Variants in RUBCN observed in about 807,000 individuals in gnomAD.
The protein encoded by RUBCN is run domain Beclin-1-interacting and cysteine-rich domain-containing protein.
Under a neutral mutation model 113.2 loss-of-function variants are expected in RUBCN, and 74 were observed. That is an observed-to-expected ratio of 0.65 (90% CI 0.54 to 0.79). RUBCN has a LOEUF of 0.79. Ranked by LOEUF, RUBCN falls within the 30% of genes least tolerant of loss-of-function variation. RUBCN has a pLI of 0.00. For synonymous variants in RUBCN, 480 were observed against 490.0 expected (o/e 0.98, Z 0.27); for missense variants, 1,109 against 1,251.7 (o/e 0.89, Z 1.72).
Position 197,676,928 on chromosome 3 carries a change from G to A in RUBCN, c.2603C>T (p.Ala868Val). ...GGTAGCCCCTGCCCTGGTGAGCTCA[G>A]CAAGCCGGGGCCCCAGCTCCCCCTT... ...TRKGELGPRLAELTRAGATHV... is the reference protein window; with the variant it reads ...TRKGELGPRLVELTRAGATHV... The change falls in exon 18 of 20, where the codon GCT (alanine) becomes GTT (valine). Residue 868 changes from alanine to valine, a missense_variant. By Grantham distance (64) the Ala-to-Val change is moderately conservative (BLOSUM62 0). Around this residue, in one of 3 missense-constraint regions of RUBCN, gnomAD observed 306 missense variants for 348.9 expected, o/e 0.88. Transcript: ENST00000296343. 6.2e-7 allele frequency: 1 copy of A among 1,614,232 alleles called. No individual in the cohort carries two copies. The highest frequency in any genetic ancestry group is 8.5e-7 in the Non-Finnish European group (1 of 1,180,052).
chr3:197,743,536 G>A (rs1295621298), intron 1 of RUBCN, among the ~76,000 whole-genome samples: 1 of 152,138 alleles, frequency 6.6e-6, no homozygotes, highest in African/African-American at 2.4e-5. Flanking sequence ...CACAGAAGAG[G>A]GACAGAAAGC....
rs1468385968 is a variant in RUBCN at position 197,704,583 on chromosome 3, G to A, written c.422C>T (p.Pro141Leu). Residue 141 changes from proline to leucine, a missense_variant, in exon 4 of 20, where the codon CCC becomes CTC. Around this residue, in one of 3 missense-constraint regions of RUBCN, gnomAD observed 736 missense variants for 779.6 expected, o/e 0.94. Coordinates refer to ENST00000296343, the MANE Select transcript of RUBCN (RefSeq NM_014687.4). ...QYHCLSAQLR[P>L]LLGDRQYIRK... is the part of the protein sequence containing the mutation. ...GATATACTGTCTATCCCCGAGCAGG[G>A]GCCGGAGCTGGGCTGAGAGGCAGTG... 6.2e-7 allele frequency: 1 copy of A among 1,614,168 alleles called. No homozygotes were observed. Among genetic ancestry groups the A allele is most frequent in the East Asian group, 2.2e-5 (1 of 44,872 alleles).
chr3:197,698,681 TAGG>T (rs1231358471), intron 7 of RUBCN, among the ~76,000 whole-genome samples: 1 of 151,608 alleles, frequency 6.6e-6, no homozygotes, highest in Non-Finnish European at 1.5e-5. Context: ...AAGTAATCCA[TAGG>T]AAGTATTCAG....
At chr3:197,682,304 G>C (rs1352663470) in intron 14 of RUBCN, among the ~76,000 whole-genome samples, 166 bp downstream of exon 14, 1 of 152,202 alleles carries the variant, frequency 6.6e-6, no homozygotes, top group Non-Finnish European at 1.5e-5. Context: ...GGAATTAAGA[G>C]TAAGAAACGA....
At position 197,701,766 on chromosome 3, in the gene RUBCN, C is replaced by G; in HGVS notation, c.669G>C (p.Gln223His). 2 of 1,614,108 alleles carry G rather than the reference C, an allele frequency of 1.2e-6. No homozygotes were observed. The highest frequency in any genetic ancestry group is 1.7e-6 in the Non-Finnish European group (2 of 1,179,968). ...TAGAGAAGGACCCAAAGTAGGAATG[C>G]TGAGCATAGCTGTTTGGAGGGGTGT... is the stretch of plus-strand genomic sequence containing the variant. Reference protein sequence around the residue: ...STYTPPNSYAQHSYFGSFSSL... With the variant: ...STYTPPNSYAHHSYFGSFSSL... The change falls in exon 6 of 20, where the codon CAG becomes CAC. Residue 223 changes from glutamine (Q) to histidine (H), a missense_variant. Physicochemically the swap from Gln to His is conservative, Grantham distance 24 (BLOSUM62 0). Transcript: ENST00000296343.
chr3:197,719,975 T>C (rs1033341185), intron 1 of RUBCN, among the ~76,000 whole-genome samples: 1 of 152,208 alleles, frequency 6.6e-6, no homozygotes, highest in African/African-American at 2.4e-5. Context: ...AACTACACCA[T>C]ACACTGCTGT....
intron 2 of RUBCN, among the ~76,000 whole-genome samples, chr3:197,709,396 T>C (rs1560446331): frequency 6.6e-6 from 1 of 152,134 alleles, no homozygotes; most frequent in Non-Finnish European, 1.5e-5. Flanking sequence ...TTTTTTTTTC[T>C]TTGAGACGGA....
intron 11 of RUBCN, chr3:197,690,960 C>A (rs1722354177): frequency 3.8e-6 from 2 of 520,376 alleles, no homozygotes; most frequent in African/African-American, 2.0e-5. Context: ...GTTCTCCAGC[C>A]CCTACAGTCC....
intron 7 of RUBCN, chr3:197,700,341 CTA>C (rs1723501200): frequency 1.9e-6 from 1 of 519,024 alleles, no homozygotes; most frequent in Non-Finnish European, 3.4e-6. Context: ...AAAACTCGCA[CTA>C]TGAGTCACGC....
intron 18 of RUBCN, chr3:197,676,533 G>A (rs1720449256): frequency 2.1e-6 from 2 of 943,884 alleles, no homozygotes; most frequent in Non-Finnish European, 2.7e-6. Flanking sequence ...GGCTGGTCTT[G>A]AACTCCTGAC....
intron 1 of RUBCN, among the ~76,000 whole-genome samples, chr3:197,743,820 C>T (rs1252657639): frequency 1.3e-5 from 2 of 152,020 alleles, no homozygotes; most frequent in Admixed American, 1.3e-4. Flanking sequence ...CCCGTCTCTA[C>T]TAAAAATACA....
chr3:197,670,462 T>C lies in RUBCN; in HGVS notation c.*4556A>G, dbSNP rs982955984. On this transcript the variant is annotated 3_prime_UTR_variant, in exon 20 of 20. Transcript: ENST00000296343. ...TTCAACAGTCTTTCCAATTTTGGAA[T>C]ATGATCATCTAAAATCTAAGTTAAA... is the stretch of plus-strand genomic sequence containing the variant. 1.3e-5 allele frequency among the ~76,000 whole-genome samples: 2 copies of C among 152,202 alleles called. No homozygotes were observed. The highest frequency in any genetic ancestry group is 2.9e-5 in the Non-Finnish European group (2 of 68,032).
chr3:197,744,199 TA>T (rs944297684), intron 1 of RUBCN, among the ~76,000 whole-genome samples: 5 of 151,934 alleles, frequency 3.3e-5, no homozygotes, highest in African/African-American at 1.2e-4. Flanking sequence ...AAAAGGAAAT[TA>T]CATACCAGTG....
intron 1 of RUBCN, among the ~76,000 whole-genome samples, chr3:197,727,429 T>C (rs772112789): frequency 6.6e-6 from 1 of 152,220 alleles, no homozygotes; most frequent in South Asian, 2.1e-4. Flanking sequence ...TGCATAAATC[T>C]AATAAATCCA....
At chr3:197,740,313 C>CA (rs546952564), upstream of RUBCN, among the ~76,000 whole-genome samples, 195 of 148,164 alleles carry the variant, frequency 1.3e-3, no homozygotes, top group African/African-American at 4.7e-3. Flanking sequence ...ATACAAAATA[C>CA]AAAAAATTAG....
Position 197,734,038 on chromosome 3 carries a change from C to T in RUBCN, c.65+2617G>A, listed in dbSNP as rs1288224624. Among the ~76,000 whole-genome samples the T allele has an allele frequency of 3.3e-5, 5 of 152,018 alleles. No individual in the cohort carries two copies. The East Asian group carries it at 9.6e-4, about 29-fold the overall frequency. On this transcript the variant is annotated intron_variant, in intron 1 of 19. Transcript: ENST00000296343. Reference sequence around the variant, plus strand: ...TGGGAGGCGGAGGCTGGTAGATCCTCTGAGGTCAGGAGTTTGAGACCAGCC... The same window carrying T: ...TGGGAGGCGGAGGCTGGTAGATCCTTTGAGGTCAGGAGTTTGAGACCAGCC...
In RUBCN at chr3:197,681,960, G is replaced by C; in HGVS notation, c.2127-61C>G. ...CAGCTGCGTGAGACCTTGGAGGTGT[G>C]AAGGAGTGAGCACACATACATACAG... is the stretch of plus-strand genomic sequence containing the variant. On this transcript the variant is annotated intron_variant, in intron 14 of 19. Coordinates refer to ENST00000296343, the MANE Select transcript of RUBCN (RefSeq NM_014687.4). The surrounding 1 kb of genome is among the most constrained non-coding windows in gnomAD (Gnocchi z 5.5). The C allele has an allele frequency of 7.8e-7, 1 of 1,279,726 alleles. No homozygotes were observed. Among genetic ancestry groups the C allele is most frequent in the Non-Finnish European group, 1.1e-6 (1 of 876,738 alleles). The allele number at this position is 1,279,726 out of a possible 1,614,324, so 79.3% of individuals were successfully genotyped here. A position where few individuals can be genotyped will look rare whatever the true frequency, so the allele number is the denominator to read the frequency against.
At chr3:197,718,564 C>A (rs1333894410) in intron 1 of RUBCN, among the ~76,000 whole-genome samples, 1 of 152,138 alleles carries the variant, frequency 6.6e-6, no homozygotes, top group Non-Finnish European at 1.5e-5. Context: ...ATCCTCCCAC[C>A]TCAACCTCCC....
Position 197,675,165 on chromosome 3 carries a change from G to A in RUBCN, c.2772C>T (p.Phe924=), listed in dbSNP as rs1335392724. Residue 924 remains phenylalanine, a synonymous_variant, in exon 20 of 20, where the codon TTC becomes TTT. Coordinates refer to ENST00000296343, the MANE Select transcript of RUBCN (RefSeq NM_014687.4). The surrounding 1 kb of genome is among the most constrained non-coding windows in gnomAD (Gnocchi z 4.4). ...ECKACYHKAC[F]KSGSCPRCER... ...CGCAGCGCGGACAGCTTCCAGACTT[G>A]AAGCAGGCTTTATGGTAACACGCTT... 1 of 1,614,134 alleles carries A rather than the reference G, an allele frequency of 6.2e-7. No individual in the cohort carries two copies. The highest frequency in any genetic ancestry group is 2.2e-5 in the East Asian group (1 of 44,886).
Sources: gnomAD v4.1 joint callset for allele counts (sites outside exome capture counted in the v4.1 genomes callset) on GRCh38, gnomAD v4.1.1 for gene constraint, gnomAD v4.1.1 regional missense constraint, Gnocchi (gnomAD v3.1) non-coding constraint, MANE v1.5 for transcripts, NCBI Gene and HGNC (gene_info 2026-07-23, HGNC 2026-07-21) for gene names.